P4HB: variants seen among roughly 807,000 people sequenced by gnomAD.
P4HB encodes protein disulfide-isomerase.
Under a neutral mutation model 52.6 loss-of-function variants are expected in P4HB, and 20 were observed. That is an observed-to-expected ratio of 0.38 (90% CI 0.27 to 0.55). The LOEUF (loss-of-function observed/expected upper bound fraction) is 0.55, where lower values mean the gene tolerates loss of function less well. Ranked by LOEUF, P4HB falls within the 20% of genes least tolerant of loss-of-function variation. The probability of loss-of-function intolerance (pLI) is 0.74; values close to 1 mark genes in which losing one functional copy is unlikely to be tolerated. For missense variants in P4HB, 601 were observed against 669.2 expected, an observed-to-expected ratio of 0.90 and a Z score of 1.12; for synonymous variants, 296 against 277.9, an observed-to-expected ratio of 1.07 and a Z score of -0.65.
In P4HB at chr17:81,847,069, C is replaced by T; in HGVS notation, c.733G>A (p.Ala245Thr). The change falls in exon 6 of 11, where the codon GCC becomes ACC. Residue 245 changes from alanine to threonine, a missense_variant. Physicochemically the swap from Ala to Thr is moderately conservative, Grantham distance 58. Coordinates refer to ENST00000331483, the MANE Select transcript of P4HB (RefSeq NM_000918.4). The stretch of plus-strand genomic sequence containing the variant: ...ATTTCACCTCCAAAAATCTTCGGGG[C>T]TGTCTGTGTTATAAACTTAAGTTAC... ...PLVIEFTEQT[A>T]PKIFGGEIKT... 6.2e-7 allele frequency: 1 copy of T among 1,614,014 alleles called. No homozygotes were observed. The highest frequency in any genetic ancestry group is 8.5e-7 in the Non-Finnish European group (1 of 1,180,016).
chr17:81,857,773 G>A (rs969723019), intron 2 of P4HB, among the ~76,000 whole-genome samples: 9 of 152,194 alleles, frequency 5.9e-5, no homozygotes, highest in African/African-American at 2.2e-4. Context: ...CTGAGGCTAA[G>A]GAATGATGCC....
Position 81,855,688 on chromosome 17 carries a change from C to T in P4HB, c.353-102G>A. 2 of 1,323,942 alleles carry T rather than the reference C, an allele frequency of 1.5e-6. No individual in the cohort carries two copies. The highest frequency in any genetic ancestry group is 2.1e-6 in the Non-Finnish European group (2 of 971,160). The allele number at this position is 1,323,942 out of a possible 1,614,324, so 82.0% of individuals were successfully genotyped here. A position where few individuals can be genotyped will look rare whatever the true frequency, so the allele number is the denominator to read the frequency against. ...CTCTCTGCCAGCCAGGCTGAGGACA[C>T]CTGAATCAACCTAAGTAAGATGTTC... is the stretch of plus-strand genomic sequence containing the variant. On this transcript the variant is annotated intron_variant, in intron 2 of 10. Coordinates refer to ENST00000331483, the MANE Select transcript of P4HB (RefSeq NM_000918.4). This position sits in a 1 kb window ranked among gnomAD's most constrained non-coding sequence, Gnocchi z 4.3.
intron 4 of P4HB, among the ~76,000 whole-genome samples, chr17:81,849,501 T>TA (rs1333692231): frequency 2.6e-5 from 4 of 151,980 alleles, no homozygotes; most frequent in East Asian, 3.9e-4. Flanking sequence ...TCTCAAAAAA[T>TA]AAAAAATAAA....
chr17:81,847,588 C>A (rs2038757214), intron 4 of P4HB: 2 of 560,344 alleles, frequency 3.6e-6, no homozygotes, highest in South Asian at 2.1e-5. Flanking sequence ...ACAATGCAAG[C>A]CTGGCGCACG....
chr17:81,850,395 C>A (rs1399810966), intron 4 of P4HB, among the ~76,000 whole-genome samples: 1 of 151,966 alleles, frequency 6.6e-6, no homozygotes, highest in East Asian at 1.9e-4. Flanking sequence ...TTCGGCCTCC[C>A]AAAGTGCTGG....
chr17:81,855,364 G>T lies in P4HB; in HGVS notation c.487-85C>A, dbSNP rs2143353702. 6.9e-6 allele frequency: 11 copies of T among 1,599,262 alleles called. No homozygotes were observed. In the South Asian group the frequency reaches 1.0e-4, roughly 15 times the overall value. On this transcript the variant is annotated intron_variant, in intron 3 of 10. Coordinates refer to ENST00000331483, the MANE Select transcript of P4HB (RefSeq NM_000918.4). The surrounding 1 kb of genome is among the most constrained non-coding windows in gnomAD (Gnocchi z 4.3). ...GACCCTGTAGAGCCCAGGCCAGGGG[G>T]GACACGTGCAGAACTGCCAGCTGCA... is the stretch of plus-strand genomic sequence containing the variant.
chr17:81,853,341 G>A (rs961902921), intron 4 of P4HB, among the ~76,000 whole-genome samples: 3 of 152,158 alleles, frequency 2.0e-5, no homozygotes, highest in Non-Finnish European at 4.4e-5. Flanking sequence ...GGGAGGCCAA[G>A]GCAGGCGGAT....
At chr17:81,849,830 A>T (rs113071907) in intron 4 of P4HB, among the ~76,000 whole-genome samples, 33,488 of 151,648 alleles carry the variant, frequency 0.22, 4,093 homozygotes, top group African/African-American at 0.32. Context: ...AAATTTATTT[A>T]TTTTTTTATT....
chr17:81,845,398 C>T, intron 9 of P4HB, 163 bp downstream of exon 9: 3 of 826,594 alleles, frequency 3.6e-6, no homozygotes, highest in African/African-American at 1.7e-5. Flanking sequence ...TAGTGAGATC[C>T]CATCTCTCTC....
At position 81,843,194 on chromosome 17, in the gene P4HB, GTTCAA is replaced by G. The variant is rs1567833869; in HGVS notation, c.*813_*817del. On this transcript the variant is annotated 3_prime_UTR_variant, in exon 11 of 11. Coordinates refer to ENST00000331483, the MANE Select transcript of P4HB (RefSeq NM_000918.4). Reference sequence around the variant, plus strand: ...AATTTCAACTTTATTTGGCCAATGTGTTCAATTCGATTGTGAAATAGAAATGCCTG... The same window carrying G: ...AATTTCAACTTTATTTGGCCAATGTGTTCGATTGTGAAATAGAAATGCCTG... 4 of 284,170 alleles carry G rather than the reference GTTCAA, an allele frequency of 1.4e-5. No individual in the cohort carries two copies. The highest frequency in any genetic ancestry group is 5.8e-5 in the East Asian group (1 of 17,312). 17.6% of individuals were successfully genotyped at this position (284,170 alleles called of 1,614,324 possible). A position where few individuals can be genotyped will look rare whatever the true frequency, so the allele number is the denominator to read the frequency against.
At position 81,844,013 on chromosome 17, in the gene P4HB, T is replaced by C; in HGVS notation, c.1526A>G (p.Ter509=). The C allele has an allele frequency of 6.2e-7, 1 of 1,611,826 alleles. No homozygotes were observed. Among genetic ancestry groups the C allele is most frequent in the Non-Finnish European group, 8.5e-7 (1 of 1,177,974 alleles). ...AGCGCCCGGGTCTGGCTTTGCGTAT[T>C]ACAGTTCATCTTTCACAGCTTTCTG... The part of the protein sequence containing the change: ...DDQKAVKDEL[*] Residue 509 remains the stop codon, a stop_retained_variant, in exon 11 of 11, where the codon TAA becomes TGA. Transcript: ENST00000331483.
rs376963340 is a variant in P4HB, at chr17:81,859,308, G to A, written c.225C>T (p.Ser75=). Residue 75 remains serine (S), a synonymous_variant, in exon 2 of 11, where the codon TCC becomes TCT. Transcript: ENST00000331483. ...KAAGKLKAEG[S]EIRLAKVDAT... is the part of the protein sequence containing the mutation. Reference sequence around the variant, plus strand: ...CGTCCACCTTGGCCAACCTGATCTCGGAACCTTCTGCCTTCAGCTTCCCAG... The same window carrying A: ...CGTCCACCTTGGCCAACCTGATCTCAGAACCTTCTGCCTTCAGCTTCCCAG... 2.2e-5 allele frequency: 35 copies of A among 1,613,858 alleles called. No individual in the cohort carries two copies. The highest frequency in any genetic ancestry group is 2.8e-5 in the Non-Finnish European group (33 of 1,180,034).
rs1039084207 is a variant in P4HB, at chr17:81,843,875, G to T, written c.*137C>A. ...TGAACGGACGGTGTGTAGGGGTGAG[G>T]TGTCACTTCAGAGAGGTTCCCTGGG... On this transcript the variant is annotated 3_prime_UTR_variant, in exon 11 of 11. Coordinates refer to ENST00000331483, the MANE Select transcript of P4HB (RefSeq NM_000918.4). 5.5e-6 allele frequency: 4 copies of T among 721,354 alleles called. No individual in the cohort carries two copies. Among genetic ancestry groups the T allele is most frequent in the African/African-American group, 3.5e-5 (2 of 57,600 alleles). The allele number at this position is 721,354 out of a possible 1,614,324, so 44.7% of individuals were successfully genotyped here.
At position 81,855,943 on chromosome 17, in the gene P4HB, A is replaced by G. The variant is rs2038906760; in HGVS notation, c.353-357T>C. 1 of 203,010 alleles carries G rather than the reference A, an allele frequency of 4.9e-6. No individual in the cohort carries two copies. The highest frequency in any genetic ancestry group is 9.9e-6 in the Non-Finnish European group (1 of 100,782). The allele number at this position is 203,010 out of a possible 1,614,324, so 12.6% of individuals were successfully genotyped here. A position where few individuals can be genotyped will look rare whatever the true frequency, so the allele number is the denominator to read the frequency against. On this transcript the variant is annotated intron_variant, in intron 2 of 10. Coordinates refer to ENST00000331483, the MANE Select transcript of P4HB (RefSeq NM_000918.4). This position sits in a 1 kb window ranked among gnomAD's most constrained non-coding sequence, Gnocchi z 4.3. ...GAGGGTAGTGGCAGAATCTTGGCTCACTGCAGCCTCCACCCACTGGGCTCA... is the reference window on the plus strand; with the variant it reads ...GAGGGTAGTGGCAGAATCTTGGCTCGCTGCAGCCTCCACCCACTGGGCTCA...
At chr17:81,848,304 C>T (rs377466460) in intron 4 of P4HB, among the ~76,000 whole-genome samples, 1 of 152,190 alleles carries the variant, frequency 6.6e-6, no homozygotes, top group Admixed American at 6.5e-5. Context: ...CGCATGGTGT[C>T]GCAAGAGCAG....
rs759194769 is a variant in P4HB at position 81,855,632 on chromosome 17, G to C, written c.353-46C>G. 1 of 1,580,732 alleles carries C rather than the reference G, an allele frequency of 6.3e-7. No homozygotes were observed. Among genetic ancestry groups the C allele is most frequent in the Admixed American group, 1.7e-5 (1 of 58,220 alleles). ...GTTCTACTCTCAAACAGGGAGTGCC[G>C]CCTGCCCTGCCGCGCCTGCTCCCGT... On this transcript the variant is annotated intron_variant, in intron 2 of 10. Coordinates refer to ENST00000331483, the MANE Select transcript of P4HB (RefSeq NM_000918.4). This position sits in a 1 kb window ranked among gnomAD's most constrained non-coding sequence, Gnocchi z 4.3.
intron 10 of P4HB, 69 bp from the exon 11 acceptor site, chr17:81,844,161 C>T: frequency 9.4e-7 from 1 of 1,062,826 alleles, no homozygotes; most frequent in Admixed American, 1.7e-5. Flanking sequence ...GCCCCCAGCA[C>T]CCCACACTGC....
intron 4 of P4HB, among the ~76,000 whole-genome samples, chr17:81,852,764 C>T (rs2038852039): frequency 6.6e-6 from 1 of 152,266 alleles, no homozygotes; most frequent in African/African-American, 2.4e-5. Flanking sequence ...AACCACCCTC[C>T]CAGCCTTCGC....
At chr17:81,859,537 G>C (rs1378591793) in intron 1 of P4HB, 150 bp from the exon 2 acceptor site, 2 of 673,764 alleles carry the variant, frequency 3.0e-6, no homozygotes, top group African/African-American at 3.6e-5. Flanking sequence ...ACAAGGCTGA[G>C]CTGATAGCCT....
Sources: gnomAD v4.1 joint callset for allele counts (sites outside exome capture counted in the v4.1 genomes callset) on GRCh38, gnomAD v4.1.1 for gene constraint, Gnocchi (gnomAD v3.1) non-coding constraint, MANE v1.5 for transcripts, NCBI Gene and HGNC (gene_info 2026-07-23, HGNC 2026-07-21) for gene names.